Variants in CSRNP3 observed in about 807,000 individuals in gnomAD.
The protein encoded by CSRNP3 is cysteine and serine rich nuclear protein 3.
CSRNP3 carries 12 observed loss-of-function variants against 48.0 expected under a neutral mutation model. The ratio of observed to expected loss-of-function variants is 0.25; its 90% CI spans 0.16 to 0.41. The LOEUF is 0.41. Among genes scored for constraint, CSRNP3 ranks in the 10% least tolerant of loss-of-function variants. CSRNP3 has a pLI of 1.00. For missense variants in CSRNP3, 580 were observed against 724.4 expected (o/e 0.80, Z 2.29); for synonymous variants, 263 against 269.7 (o/e 0.98, Z 0.24).
In CSRNP3 at chr2:165,681,758, T is replaced by C. The variant is rs1180301501; in HGVS notation, c.*2005T>C. 1.3e-3 allele frequency: 66 copies of C among 50,810 alleles called. No individual in the cohort carries two copies. The highest frequency in any genetic ancestry group is 3.1e-3 in the African/African-American group (59 of 19,062). 3.1% of individuals were successfully genotyped at this position (50,810 alleles called of 1,614,324 possible). ...ATATATATATATATATATATATATA[T>C]ATACACACACACACACACATACACA... is the stretch of plus-strand genomic sequence containing the variant. On this transcript the variant is annotated 3_prime_UTR_variant, in exon 7 of 7. Transcript: ENST00000651982.
At chr2:165,498,954 T>A (rs1684322186) in intron 2 of CSRNP3, among the ~76,000 whole-genome samples, 1 of 152,156 alleles carries the variant, frequency 6.6e-6, no homozygotes, top group African/African-American at 2.4e-5. Context: ...CATCTTCACA[T>A]TAGTGATCAA....
At chr2:165,590,126 C>T (rs1400429590) in intron 3 of CSRNP3, among the ~76,000 whole-genome samples, 2 of 152,084 alleles carry the variant, frequency 1.3e-5, no homozygotes, top group African/African-American at 4.8e-5. Context: ...TATGCATGAA[C>T]ATTTTATGCA....
At chr2:165,492,701 C>A in intron 1 of CSRNP3, among the ~76,000 whole-genome samples, 3 of 142,850 alleles carry the variant, frequency 2.1e-5, no homozygotes, top group Admixed American at 7.1e-5. Flanking sequence ...CTAATAACAC[C>A]CAGTAAGTAA....
intron 4 of CSRNP3, among the ~76,000 whole-genome samples, chr2:165,640,067 T>C (rs1384556646): frequency 6.6e-6 from 1 of 152,242 alleles, no homozygotes; most frequent in East Asian, 1.9e-4. Flanking sequence ...TTGCCTCCAA[T>C]GAATAGTTCA....
At chr2:165,471,770 A>C (rs1279923680) in intron 1 of CSRNP3, among the ~76,000 whole-genome samples, 2 of 152,056 alleles carry the variant, frequency 1.3e-5, no homozygotes, top group Admixed American at 1.3e-4. Flanking sequence ...CAAGTCTTAT[A>C]AAAATGAGAC....
At chr2:165,660,623 C>G (rs1026889030) in intron 5 of CSRNP3, among the ~76,000 whole-genome samples, 1 of 152,106 alleles carries the variant, frequency 6.6e-6, no homozygotes, top group African/African-American at 2.4e-5. Context: ...CAACCTTCTC[C>G]CATGTGCTAT....
intron 3 of CSRNP3, among the ~76,000 whole-genome samples, chr2:165,527,199 C>CTTTTTTTTT (rs535826285): frequency 1.5e-4 from 13 of 87,272 alleles, no homozygotes; most frequent in Non-Finnish European, 1.9e-4. Context: ...GCTGTTTGTA[C>CTTTTTTTTT]TTTTTTTTTT....
chr2:165,533,676 G>A (rs1399410979), intron 3 of CSRNP3, among the ~76,000 whole-genome samples: 2 of 152,010 alleles, frequency 1.3e-5, no homozygotes, highest in Admixed American at 6.6e-5. Flanking sequence ...TCTGTTTTTT[G>A]TCAAGCTAAA....
intron 4 of CSRNP3, among the ~76,000 whole-genome samples, chr2:165,612,618 C>T (rs1281472714): frequency 6.6e-6 from 1 of 151,970 alleles, no homozygotes; most frequent in African/African-American, 2.4e-5. Context: ...CAGTTCTACT[C>T]TCTACTTTTA....
chr2:165,502,847 AT>A (rs1684376034), intron 2 of CSRNP3, among the ~76,000 whole-genome samples: 1 of 151,976 alleles, frequency 6.6e-6, no homozygotes, highest in Non-Finnish European at 1.5e-5. Flanking sequence ...GATTAATATG[AT>A]TAGTGAAAAC....
At chr2:165,606,273 C>A (rs1686010312) in intron 4 of CSRNP3, among the ~76,000 whole-genome samples, 1 of 134,104 alleles carries the variant, frequency 7.5e-6, no homozygotes, top group African/African-American at 2.8e-5. Flanking sequence ...AGACAAGCTA[C>A]AGACTAAAAG....
chr2:165,659,978 G>A (rs1687069517), intron 5 of CSRNP3, among the ~76,000 whole-genome samples: 1 of 152,106 alleles, frequency 6.6e-6, no homozygotes, highest in African/African-American at 2.4e-5. Context: ...CAGTATTTTT[G>A]GCAGGTTTCA....
chr2:165,626,172 G>A (rs12624157), intron 4 of CSRNP3, among the ~76,000 whole-genome samples: 103,665 of 151,076 alleles, frequency 0.69, 37,150 homozygotes, highest in Non-Finnish European at 0.79. Context: ...GCAGTGAGCC[G>A]AGATCATGCC....
intron 4 of CSRNP3, among the ~76,000 whole-genome samples, chr2:165,608,957 A>G (rs922382737): frequency 2.5e-4 from 30 of 120,178 alleles, no homozygotes; most frequent in African/African-American, 8.8e-4. Context: ...AAAAAAAAAA[A>G]TTAGCTGGGC....
At chr2:165,666,050 A>AAG (rs1553484270) in intron 5 of CSRNP3, among the ~76,000 whole-genome samples, 1,690 of 103,174 alleles carry the variant, frequency 0.016, 102 homozygotes, top group African/African-American at 0.062. Flanking sequence ...GAAGGAAGGA[A>AAG]AGAGAGAGGA....
Position 165,470,606 on chromosome 2 carries a change from A to G in CSRNP3, c.-283+866A>G, listed in dbSNP as rs1274088606. On this transcript the variant is annotated intron_variant, in intron 1 of 6. Coordinates refer to ENST00000651982, the MANE Select transcript of CSRNP3 (RefSeq NM_001172173.2). ...TTTAGCAACTTTACTAGGTGCTTGTATCTCCTAATATGGTCCTTTATATTG... is the reference window on the plus strand; with the variant it reads ...TTTAGCAACTTTACTAGGTGCTTGTGTCTCCTAATATGGTCCTTTATATTG... Among the ~76,000 whole-genome samples the G allele has an allele frequency of 2.6e-5, 4 of 152,112 alleles. No individual in the cohort carries two copies. The East Asian group carries it at 7.7e-4, about 29-fold the overall frequency.
At chr2:165,616,011 A>G (rs1038550397) in intron 4 of CSRNP3, among the ~76,000 whole-genome samples, 5 of 150,766 alleles carry the variant, frequency 3.3e-5, no homozygotes, top group African/African-American at 1.2e-4. Context: ...GATTACAGGC[A>G]TGAGCCATCA....
chr2:165,519,236 A>G (rs920792333), intron 3 of CSRNP3, among the ~76,000 whole-genome samples: 11 of 152,062 alleles, frequency 7.2e-5, no homozygotes, highest in Non-Finnish European at 1.5e-4. Context: ...TAGTTGTGCA[A>G]TCACCTATGA....
At chr2:165,591,060 A>G (rs189100743) in intron 3 of CSRNP3, among the ~76,000 whole-genome samples, 18 of 150,682 alleles carry the variant, frequency 1.2e-4, no homozygotes, top group African/African-American at 4.3e-4. Context: ...GCTCAAAGAC[A>G]GGAAGATATG....
Sources: gnomAD v4.1 joint callset for allele counts (sites outside exome capture counted in the v4.1 genomes callset) on GRCh38, gnomAD v4.1.1 for gene constraint, MANE v1.5 for transcripts, NCBI Gene and HGNC (gene_info 2026-07-23, HGNC 2026-07-21) for gene names.